ANKRD30A: variants seen among roughly 807,000 people sequenced by gnomAD.
ANKRD30A encodes ankyrin repeat domain 30A.
A neutral mutation model predicts 166.3 loss-of-function variants in ANKRD30A; 170 were observed. That is an observed-to-expected ratio of 1.02 (90% CI 0.90 to 1.16). The LOEUF is 1.16. Ranked by LOEUF, ANKRD30A falls within the 50% of genes most tolerant of loss-of-function variation. The probability of loss-of-function intolerance (pLI) is 0.00; values close to 1 mark genes in which losing one functional copy is unlikely to be tolerated. For missense variants in ANKRD30A, 1,630 were observed against 1,518.0 expected (o/e 1.07, Z -1.23); for synonymous variants, 564 against 508.9 (o/e 1.11, Z -1.46).
chr10:37,197,491 C>G lies in ANKRD30A; in HGVS notation c.2716+11C>G, dbSNP rs769082323. The G allele has an allele frequency of 2.5e-6, 4 of 1,611,938 alleles. No homozygotes were observed. The highest frequency in any genetic ancestry group is 3.4e-6 in the Non-Finnish European group (4 of 1,179,584). On this transcript the variant is annotated intron_variant, in intron 29 of 35. Coordinates refer to ENST00000361713, the MANE Select transcript of ANKRD30A (RefSeq NM_052997.3). ...AAACATTGAGAGCAGGTACATTTTT[C>G]AATGTAACTATGCGAAGACCAATAT... is the stretch of plus-strand genomic sequence containing the variant.
At chr10:37,153,102 C>G (rs1427285152) in intron 12 of ANKRD30A, among the ~76,000 whole-genome samples, 1 of 152,090 alleles carries the variant, frequency 6.6e-6, no homozygotes, top group Non-Finnish European at 1.5e-5. Context: ...GTGACAGACT[C>G]TAAAAGTTCT....
chr10:37,173,119 A>G (rs1157730776), intron 21 of ANKRD30A, among the ~76,000 whole-genome samples: 1 of 148,638 alleles, frequency 6.7e-6, no homozygotes, highest in Non-Finnish European at 1.5e-5. Context: ...AGTTTTACAC[A>G]TCTTGCATGA....
At chr10:37,245,150 A>C in the ANKRD30A span, among the ~76,000 whole-genome samples, 2 of 152,150 alleles carry the variant, frequency 1.3e-5, no homozygotes, top group Admixed American at 6.5e-5. Context: ...TCACATAGAG[A>C]TCTTGCCTAG....
At chr10:37,138,003 A>C (rs1186121970) in intron 6 of ANKRD30A, among the ~76,000 whole-genome samples, 1 of 152,164 alleles carries the variant, frequency 6.6e-6, no homozygotes, top group Non-Finnish European at 1.5e-5. Flanking sequence ...GACACCTCAC[A>C]CGCCCGGGTA....
rs1052489843 is a variant in ANKRD30A at position 37,199,689 on chromosome 10, A to C, written c.2717-38A>C. 4.5e-6 allele frequency: 6 copies of C among 1,343,540 alleles called. No individual in the cohort carries two copies. The African/African-American group carries it at 5.8e-5, about 13-fold the overall frequency. 83.2% of individuals were successfully genotyped at this position (1,343,540 alleles called of 1,614,324 possible). A position where few individuals can be genotyped will look rare whatever the true frequency, so the allele number is the denominator to read the frequency against. On this transcript the variant is annotated intron_variant, in intron 29 of 35. Coordinates refer to ENST00000361713, the MANE Select transcript of ANKRD30A (RefSeq NM_052997.3). The stretch of plus-strand genomic sequence containing the variant: ...TGTTTTTAAAATGTATAGTAGAGAA[A>C]TGTTCTCATGAATGTATCTGTGATT...
At chr10:37,146,435 T>C (rs1176850403) in intron 8 of ANKRD30A, among the ~76,000 whole-genome samples, 2 of 152,242 alleles carry the variant, frequency 1.3e-5, no homozygotes, top group Admixed American at 6.5e-5. Context: ...CAGTGTTTAA[T>C]GCAGTATGTA....
At chr10:37,252,218 T>C in the ANKRD30A span, among the ~76,000 whole-genome samples, 4 of 152,180 alleles carry the variant, frequency 2.6e-5, no homozygotes, top group Non-Finnish European at 5.9e-5. Context: ...AAAAAATGGC[T>C]CCTGAAAACA....
downstream of ANKRD30A, among the ~76,000 whole-genome samples, chr10:37,237,197 G>C (rs1453564336): frequency 6.6e-6 from 1 of 152,208 alleles, no homozygotes; most frequent in Non-Finnish European, 1.5e-5. Context: ...TCAGACGGAA[G>C]ACCTAAAGCC....
downstream of ANKRD30A, among the ~76,000 whole-genome samples, chr10:37,235,993 C>A (rs2132775031): frequency 1.3e-5 from 2 of 152,208 alleles, no homozygotes; most frequent in Middle Eastern, 3.4e-3. Context: ...TGGTCTCGAT[C>A]TCCTGACCTC....
At chr10:37,259,103 A>G in the ANKRD30A span, among the ~76,000 whole-genome samples, 4 of 152,122 alleles carry the variant, frequency 2.6e-5, no homozygotes, top group African/African-American at 9.7e-5. Context: ...GACTACATTA[A>G]AATTAAGAAC....
the ANKRD30A span, among the ~76,000 whole-genome samples, chr10:37,263,305 A>G: frequency 1.8e-4 from 27 of 152,172 alleles, no homozygotes; most frequent in African/African-American, 5.1e-4. Flanking sequence ...CATGGAAGAC[A>G]GTTATTCTAT....
intron 3 of ANKRD30A, among the ~76,000 whole-genome samples, chr10:37,131,759 C>T (rs376457524): frequency 6.6e-6 from 1 of 152,264 alleles, no homozygotes; most frequent in East Asian, 1.9e-4. Context: ...TTATTGAATA[C>T]TGGACATTTA....
At chr10:37,131,593 T>C (rs867293127) in intron 3 of ANKRD30A, among the ~76,000 whole-genome samples, 1 of 152,168 alleles carries the variant, frequency 6.6e-6, no homozygotes, top group African/African-American at 2.4e-5. Context: ...GGATTATTGA[T>C]AGAAGAGAAT....
At chr10:37,183,389 A>G (rs1392851145) in intron 24 of ANKRD30A, among the ~76,000 whole-genome samples, 1 of 145,826 alleles carries the variant, frequency 6.9e-6, no homozygotes, top group African/African-American at 2.5e-5. Context: ...CTCAGATCAG[A>G]AGCTAGAACA....
In ANKRD30A at chr10:37,162,662, G is replaced by A; in HGVS notation, c.1914G>A (p.Lys638=). The stretch of plus-strand genomic sequence containing the variant: ...TTTGCTTTTTAGAGCCTCCGGGGAA[G>A]CCATCTGCCTTCGAGGTATTTAGTT... ...MQTFKAEPPG[K]PSAFEPATEM... Residue 638 remains lysine (K), a synonymous_variant, in exon 16 of 36, where the codon AAG becomes AAA. Transcript: ENST00000361713. 6.2e-7 allele frequency: 1 copy of A among 1,612,348 alleles called. No homozygotes were observed. The highest frequency in any genetic ancestry group is 8.5e-7 in the Non-Finnish European group (1 of 1,179,782).
intron 27 of ANKRD30A, among the ~76,000 whole-genome samples, chr10:37,193,529 C>T (rs948312954): frequency 9.2e-5 from 14 of 151,860 alleles, no homozygotes; most frequent in South Asian, 2.1e-4. Flanking sequence ...TTTCTGTACG[C>T]GCTTGGTTTT....
At chr10:37,130,435 A>G in intron 3 of ANKRD30A, 57 bp downstream of exon 3, 1 of 1,325,748 alleles carries the variant, frequency 7.5e-7, no homozygotes, top group South Asian at 2.1e-5. Flanking sequence ...TTTTAACATT[A>G]ACATATGTAA....
downstream of ANKRD30A, among the ~76,000 whole-genome samples, chr10:37,233,188 A>C (rs1382685606): frequency 6.6e-6 from 1 of 152,152 alleles, no homozygotes; most frequent in Non-Finnish European, 1.5e-5. Flanking sequence ...GGGAACAATT[A>C]AATGATTGTT....
Position 37,150,401 on chromosome 10 carries a change from GTAAT to G in ANKRD30A, c.1645+555_1645+558del, listed in dbSNP as rs527977948. 9.4e-4 allele frequency among the ~76,000 whole-genome samples: 143 copies of G among 152,056 alleles called. 3 individuals are homozygous for G. In the South Asian group the frequency reaches 0.029, roughly 31 times the overall value. On this transcript the variant is annotated intron_variant, in intron 11 of 35. Transcript: ENST00000361713. ...CCTTTACCTTGTAAAGATGAGGAAA[GTAAT>G]TAGTCATTTCTTTGTGAATATTTGA...
Sources: allele counts gnomAD v4.1 joint callset (sites outside exome capture counted in the v4.1 genomes callset), GRCh38; gene constraint gnomAD v4.1.1; transcripts MANE v1.5; gene names NCBI Gene and HGNC (gene_info 2026-07-23, HGNC 2026-07-21).